NOVA1: variants seen among roughly 807,000 people sequenced by gnomAD.
NOVA1 encodes RNA-binding protein Nova-1.
Under a neutral mutation model 38.0 loss-of-function variants are expected in NOVA1, and 7 were observed. The observed-to-expected ratio is 0.18, with a 90% CI of 0.10 to 0.35. NOVA1 has a LOEUF of 0.35. Among genes scored for constraint, NOVA1 ranks in the 10% least tolerant of loss-of-function variants. The pLI is 1.00. For synonymous variants in NOVA1, 270 were observed against 232.5 expected, an observed-to-expected ratio of 1.16 and a Z score of -1.47; for missense variants, 460 against 616.0, an observed-to-expected ratio of 0.75 and a Z score of 2.68.
chr14:26,457,508 T>C (rs1295288382), intron 4 of NOVA1, among the ~76,000 whole-genome samples: 1 of 152,110 alleles, frequency 6.6e-6, no homozygotes, highest in Non-Finnish European at 1.5e-5. Context: ...GTTAATGTCC[T>C]ATCACAAGGC....
chr14:26,457,163 C>A (rs1268874327), intron 4 of NOVA1, among the ~76,000 whole-genome samples: 1 of 150,516 alleles, frequency 6.6e-6, no homozygotes, highest in East Asian at 2.0e-4. Flanking sequence ...AATTAGGCTG[C>A]AGAATAAATG....
chr14:26,490,055 AC>A (rs1226852294), intron 2 of NOVA1, among the ~76,000 whole-genome samples: 1 of 152,140 alleles, frequency 6.6e-6, no homozygotes, highest in Non-Finnish European at 1.5e-5. Context: ...CCTCTAATCT[AC>A]TTTTTGTCTC....
At chr14:26,495,654 AC>A (rs1430663878) in intron 2 of NOVA1, among the ~76,000 whole-genome samples, 1 of 87,868 alleles carries the variant, frequency 1.1e-5, no homozygotes. Flanking sequence ...CCCTCCCCCC[AC>A]CCCACAACAG....
At chr14:26,449,838 C>G (rs1882485027) in intron 4 of NOVA1, among the ~76,000 whole-genome samples, 2 of 151,994 alleles carry the variant, frequency 1.3e-5, no homozygotes, top group Admixed American at 6.6e-5. Flanking sequence ...AATATTCAAT[C>G]CAATATGACC....
intron 2 of NOVA1, among the ~76,000 whole-genome samples, chr14:26,567,054 T>C (rs891813396): frequency 2.6e-5 from 4 of 152,174 alleles, no homozygotes; most frequent in African/African-American, 9.6e-5. Context: ...TCATTTTCCA[T>C]AAAAACACTT....
chr14:26,516,999 A>G (rs1888518622), intron 2 of NOVA1, among the ~76,000 whole-genome samples: 1 of 148,198 alleles, frequency 6.7e-6, no homozygotes, highest in South Asian at 2.1e-4. Flanking sequence ...TCCACCTTCC[A>G]GGTTCAAGCG....
intron 2 of NOVA1, among the ~76,000 whole-genome samples, chr14:26,494,472 C>T (rs1403108637): frequency 2.0e-5 from 3 of 152,166 alleles, no homozygotes; most frequent in Admixed American, 1.3e-4. Context: ...TAGAGGCAGA[C>T]ATTAAATCAG....
chr14:26,560,851 A>C (rs770235154), intron 2 of NOVA1, among the ~76,000 whole-genome samples: 3 of 152,200 alleles, frequency 2.0e-5, no homozygotes, highest in Non-Finnish European at 4.4e-5. Flanking sequence ...TCTGGCTCAC[A>C]GTAAATTTCA....
At chr14:26,561,889 A>G (rs1173673906) in intron 2 of NOVA1, among the ~76,000 whole-genome samples, 1 of 152,188 alleles carries the variant, frequency 6.6e-6, no homozygotes, top group African/African-American at 2.4e-5. Context: ...TTAGAACACT[A>G]TGTCCTAGTT....
At chr14:26,554,233 C>T (rs1242902498) in intron 2 of NOVA1, among the ~76,000 whole-genome samples, 1 of 151,100 alleles carries the variant, frequency 6.6e-6, no homozygotes, top group African/African-American at 2.4e-5. Context: ...CAGTGTGAGG[C>T]AGTGGAGCAC....
chr14:26,572,530 G>A (rs1425817065), intron 2 of NOVA1, among the ~76,000 whole-genome samples: 5 of 152,116 alleles, frequency 3.3e-5, no homozygotes, highest in African/African-American at 1.2e-4. Flanking sequence ...GTCAATAAAG[G>A]TGACATGGTC....
At chr14:26,581,099 G>T (rs2138767430) in intron 2 of NOVA1, among the ~76,000 whole-genome samples, 1 of 152,162 alleles carries the variant, frequency 6.6e-6, no homozygotes, top group South Asian at 2.1e-4. Flanking sequence ...GGAGGTACAA[G>T]AAGATTAAAT....
chr14:26,475,405 G>A (rs1052431401), intron 3 of NOVA1, among the ~76,000 whole-genome samples: 2 of 152,082 alleles, frequency 1.3e-5, no homozygotes, highest in Admixed American at 1.3e-4. Context: ...GTGGTTTCAT[G>A]TTAAATATCC....
intron 2 of NOVA1, among the ~76,000 whole-genome samples, chr14:26,544,696 G>A (rs969778909): frequency 6.6e-6 from 1 of 151,730 alleles, no homozygotes; most frequent in Admixed American, 6.6e-5. Context: ...AAGAATGAGA[G>A]AGAGAAAGAA....
chr14:26,512,841 G>A (rs1594439045), intron 2 of NOVA1, among the ~76,000 whole-genome samples: 1 of 140,468 alleles, frequency 7.1e-6, no homozygotes, highest in East Asian at 2.1e-4. Flanking sequence ...TATCATAAGA[G>A]GTAATCAATA....
rs1310015763 is a variant in NOVA1, at chr14:26,484,917, G to C, written c.281-4774C>G. ...TCCCTACTAAATAAGTATCATATTAGAAGCTGAAGGTACAGCAATGACCAA... is the reference window on the plus strand; with the variant it reads ...TCCCTACTAAATAAGTATCATATTACAAGCTGAAGGTACAGCAATGACCAA... On this transcript the variant is annotated intron_variant, in intron 2 of 4. Coordinates refer to ENST00000539517, the MANE Select transcript of NOVA1 (RefSeq NM_002515.3). Among the ~76,000 whole-genome samples, 5 of 151,758 alleles carry C rather than the reference G, an allele frequency of 3.3e-5. No individual in the cohort carries two copies. In the East Asian group the frequency reaches 9.6e-4, roughly 29 times the overall value.
In NOVA1 at chr14:26,444,060, G is replaced by A. The variant is rs1881886212; in HGVS notation, c.*3899C>T. 6.6e-6 allele frequency: 1 copy of A among 151,948 alleles called. No individual in the cohort carries two copies. Among genetic ancestry groups the A allele is most frequent in the Non-Finnish European group, 1.5e-5 (1 of 67,958 alleles). The allele number at this position is 151,948 out of a possible 1,614,324, so 9.4% of individuals were successfully genotyped here. A position where few individuals can be genotyped will look rare whatever the true frequency, so the allele number is the denominator to read the frequency against. On this transcript the variant is annotated 3_prime_UTR_variant, in exon 5 of 5. Coordinates refer to ENST00000539517, the MANE Select transcript of NOVA1 (RefSeq NM_002515.3). Reference sequence around the variant, plus strand: ...TACTTAAGGACTCAGTGAGGAATCAGCATATAAATCAAGACTGAAATATAA... The same window carrying A: ...TACTTAAGGACTCAGTGAGGAATCAACATATAAATCAAGACTGAAATATAA...
chr14:26,570,749 A>G (rs1036742936), intron 2 of NOVA1, among the ~76,000 whole-genome samples: 1 of 152,172 alleles, frequency 6.6e-6, no homozygotes, highest in Non-Finnish European at 1.5e-5. Flanking sequence ...GTCATGAAGC[A>G]CTGCTATAAT....
rs140817744 is a variant in NOVA1 at position 26,565,293 on chromosome 14, C to A, written c.280+30117G>T. 2.6e-3 allele frequency among the ~76,000 whole-genome samples: 394 copies of A among 152,214 alleles called. 1 individual carries two copies. Among genetic ancestry groups the A allele is most frequent in the African/African-American group, 8.8e-3 (365 of 41,538 alleles). ...AGTTATCATCAGCCCCCAAAAGAGA[C>A]CCTGTGGAATTATCCTATGACTTAA... On this transcript the variant is annotated intron_variant, in intron 2 of 4. Coordinates refer to ENST00000539517, the MANE Select transcript of NOVA1 (RefSeq NM_002515.3).
Sources: gnomAD v4.1 joint callset for allele counts (sites outside exome capture counted in the v4.1 genomes callset) on GRCh38, gnomAD v4.1.1 for gene constraint, MANE v1.5 for transcripts, NCBI Gene and HGNC (gene_info 2026-07-23, HGNC 2026-07-21) for gene names.